The following TPD52L2 variants were observed in gnomAD, a reference collection of about 807,000 sequenced individuals.
The protein encoded by TPD52L2 is TPD52 like 2.
TPD52L2 carries 19 observed loss-of-function variants against 24.7 expected under a neutral mutation model. That is an observed-to-expected ratio of 0.77 (90% CI 0.54 to 1.13). TPD52L2 has a LOEUF of 1.13. Ranked by LOEUF, TPD52L2 falls within the 50% of genes most tolerant of loss-of-function variation. TPD52L2 has a pLI of 0.00. For missense variants in TPD52L2, 236 were observed against 250.4 expected, an observed-to-expected ratio of 0.94 and a Z score of 0.39; for synonymous variants, 104 against 100.2, an observed-to-expected ratio of 1.04 and a Z score of -0.23.
chr20:63,886,468 C>G (rs1361698821), intron 5 of TPD52L2, among the ~76,000 whole-genome samples: 3 of 151,722 alleles, frequency 2.0e-5, no homozygotes, highest in African/African-American at 7.3e-5. Flanking sequence ...TCACGCCATT[C>G]TCCTGCCTCA....
chr20:63,874,806 C>T (rs1288089896), intron 3 of TPD52L2, among the ~76,000 whole-genome samples: 2 of 152,008 alleles, frequency 1.3e-5, no homozygotes, highest in Non-Finnish European at 2.9e-5. Context: ...TTCTGTGGTC[C>T]TTGTTGTGGG....
At chr20:63,866,295 G>A (rs1161246533) in intron 1 of TPD52L2, among the ~76,000 whole-genome samples, 1 of 152,070 alleles carries the variant, frequency 6.6e-6, no homozygotes, top group Non-Finnish European at 1.5e-5. Flanking sequence ...AGTAGAGGCA[G>A]GGTTTCACCA....
At position 63,868,490 on chromosome 20, in the gene TPD52L2, G is replaced by A. The variant is rs1045533748; in HGVS notation, c.20-806G>A. On this transcript the variant is annotated intron_variant, in intron 1 of 6. Coordinates refer to ENST00000346249, the MANE Select transcript of TPD52L2 (RefSeq NM_003288.4). ...TCTGGCAGTGGGATGAGAATCGGGA[G>A]GTAAGTAAAGGGAATTTTGTTTTGC... is the stretch of plus-strand genomic sequence containing the variant. 3.9e-5 allele frequency among the ~76,000 whole-genome samples: 6 copies of A among 152,226 alleles called. No individual in the cohort carries two copies. In the East Asian group the frequency reaches 1.2e-3, roughly 29 times the overall value.
rs1401324403 is a variant in TPD52L2 at position 63,890,131 on chromosome 20, A to T, written c.*186A>T. On this transcript the variant is annotated 3_prime_UTR_variant, in exon 7 of 7. Transcript: ENST00000346249. The stretch of plus-strand genomic sequence containing the variant: ...GAATTTGAAGAACACAGGCTTGTAC[A>T]CAGATGTTTTACACTCACGTTTGTA... 3 of 1,342,712 alleles carry T rather than the reference A, an allele frequency of 2.2e-6. No homozygotes were observed. The highest frequency in any genetic ancestry group is 3.0e-6 in the Non-Finnish European group (3 of 1,000,506). 83.2% of individuals were successfully genotyped at this position (1,342,712 alleles called of 1,614,324 possible).
At chr20:63,882,305 G>A (rs1221304251) in intron 4 of TPD52L2, among the ~76,000 whole-genome samples, 10 of 152,286 alleles carry the variant, frequency 6.6e-5, no homozygotes, top group Admixed American at 5.9e-4. Flanking sequence ...TGCCTGCCAG[G>A]CGTGCACCTC....
chr20:63,884,298 C>T (rs777028517), intron 5 of TPD52L2, among the ~76,000 whole-genome samples: 8 of 152,152 alleles, frequency 5.3e-5, no homozygotes, highest in Non-Finnish European at 1.2e-4. Context: ...AACTCAGCCT[C>T]GCAGGGCTGT....
rs755411096 is a variant in TPD52L2, at chr20:63,875,871, G to T, written c.370G>T (p.Asp124Tyr). The change falls in exon 4 of 7, where the codon GAC becomes TAC. Residue 124 changes from aspartate to tyrosine, a missense_variant. By Grantham distance (160) the Asp-to-Tyr change is radical. Coordinates refer to ENST00000346249, the MANE Select transcript of TPD52L2 (RefSeq NM_003288.4). ...GEWNEKVTQS[D>Y]LYKKTQETLS... ...GTGGAATGAGAAAGTGACCCAGTCA[G>T]ACCTGTGAGTGCCTGTATCATCAGC... 3.7e-6 allele frequency: 6 copies of T among 1,614,048 alleles called. No homozygotes were observed. Among genetic ancestry groups the T allele is most frequent in the Admixed American group, 1.7e-5 (1 of 59,998 alleles).
intron 1 of TPD52L2, among the ~76,000 whole-genome samples, chr20:63,867,200 C>T (rs142116233): frequency 0.028 from 4,291 of 151,990 alleles, 89 homozygotes; most frequent in Non-Finnish European, 0.042. Flanking sequence ...GTGATCTGCC[C>T]GCCTTGGCCT....
At position 63,890,113 on chromosome 20, in the gene TPD52L2, A is replaced by G. The variant is rs576337023; in HGVS notation, c.*168A>G. 2,367 of 1,430,416 alleles carry G rather than the reference A, an allele frequency of 1.7e-3. 3 individuals carry two copies. Among genetic ancestry groups the G allele is most frequent in the Non-Finnish European group, 2.0e-3 (2,108 of 1,068,248 alleles). 88.6% of individuals were successfully genotyped at this position (1,430,416 alleles called of 1,614,324 possible). A position where few individuals can be genotyped will look rare whatever the true frequency, so the allele number is the denominator to read the frequency against. On this transcript the variant is annotated 3_prime_UTR_variant, in exon 7 of 7. Transcript: ENST00000346249. ...TGGCTGCCGCGTTTGCATGAATTTG[A>G]AGAACACAGGCTTGTACACAGATGT...
At chr20:63,876,194 T>C (rs937644852) in intron 4 of TPD52L2, among the ~76,000 whole-genome samples, 2 of 152,188 alleles carry the variant, frequency 1.3e-5, no homozygotes, top group African/African-American at 4.8e-5. Flanking sequence ...CTTCCGGCAG[T>C]GCACAAGCTG....
chr20:63,874,257 T>TGTGTGTGTGTG, intron 3 of TPD52L2, among the ~76,000 whole-genome samples: 2 of 149,372 alleles, frequency 1.3e-5, no homozygotes, highest in Admixed American at 6.8e-5. Flanking sequence ...TGTGTGTGTG[T>TGTGTGTGTGTG]TTTTAGTAGA....
chr20:63,881,766 C>T (rs900493351), intron 4 of TPD52L2, among the ~76,000 whole-genome samples: 1 of 152,140 alleles, frequency 6.6e-6, no homozygotes, highest in Admixed American at 6.6e-5. Flanking sequence ...AGGGAGGAGC[C>T]GTGATAAGGT....
intron 1 of TPD52L2, 21 bp downstream of exon 1, chr20:63,865,405 CT>C: frequency 1.3e-6 from 2 of 1,528,456 alleles, no homozygotes; most frequent in South Asian, 1.2e-5. Flanking sequence ...GGCCCGGCCC[CT>C]TCGCCGCAGA....
rs188130598 is a variant in TPD52L2, at chr20:63,889,827, T to C, written c.526-23T>C. On this transcript the variant is annotated intron_variant, in intron 6 of 6. Transcript: ENST00000346249. ...GTGTGCTCTGTCTCAGGTTTTTCTG[T>C]CTTCATCTTTTCTCTCCTGTAGTCT... The C allele has an allele frequency of 5.0e-5, 81 of 1,609,390 alleles. No homozygotes were observed. The African/African-American group carries it at 7.9e-4, about 16-fold the overall frequency.
At chr20:63,876,092 A>G (rs1362434209) in intron 4 of TPD52L2, among the ~76,000 whole-genome samples, 1 of 152,182 alleles carries the variant, frequency 6.6e-6, no homozygotes, top group Admixed American at 6.6e-5. Context: ...CCACCTGACC[A>G]CACTTAAAAC....
At chr20:63,879,659 A>T (rs1232684265) in intron 4 of TPD52L2, among the ~76,000 whole-genome samples, 55 of 119,232 alleles carry the variant, frequency 4.6e-4, no homozygotes, top group South Asian at 1.4e-3. Context: ...CCCCACTCTT[A>T]GGGCACAAAT....
rs1405992795 is a variant in TPD52L2, at chr20:63,873,700, C to T, written c.198C>T (p.Val66=). ...AGGAAATTGTCACTCTGCGCCAGGT[C>T]CTGGCAGCCAAGGAGAGGCACTGTG... ...VEEEIVTLRQ[V]LAAKERHCGE... The change falls in exon 3 of 7, where the codon GTC becomes GTT. Residue 66 remains valine, a synonymous_variant. Coordinates refer to ENST00000346249, the MANE Select transcript of TPD52L2 (RefSeq NM_003288.4). 6.2e-7 allele frequency: 1 copy of T among 1,609,088 alleles called. No homozygotes were observed. Among genetic ancestry groups the T allele is most frequent in the East Asian group, 2.2e-5 (1 of 44,694 alleles).
intron 2 of TPD52L2, among the ~76,000 whole-genome samples, chr20:63,871,130 C>T (rs957082639): frequency 6.6e-6 from 1 of 151,846 alleles, no homozygotes; most frequent in African/African-American, 2.4e-5. Context: ...GGAGCCTCTG[C>T]CTCCCTGGTT....
chr20:63,869,777 A>C (rs951227275), intron 2 of TPD52L2, among the ~76,000 whole-genome samples: 5 of 152,212 alleles, frequency 3.3e-5, no homozygotes, highest in African/African-American at 1.2e-4. Context: ...CTTGATAATC[A>C]TTTTTAAGAC....
Sources: gnomAD v4.1 joint callset for allele counts (sites outside exome capture counted in the v4.1 genomes callset) on GRCh38, gnomAD v4.1.1 for gene constraint, MANE v1.5 for transcripts, NCBI Gene and HGNC (gene_info 2026-07-23, HGNC 2026-07-21) for gene names.